WDR7: variants seen among roughly 807,000 people sequenced by gnomAD.
WDR7 encodes WD repeat domain 7, also known as WD repeat-containing protein 7.
A neutral mutation model predicts 169.4 loss-of-function variants in WDR7; 46 were observed. The observed-to-expected ratio is 0.27, with a 90% CI of 0.21 to 0.35. WDR7 has a LOEUF of 0.35. WDR7 is among the 10% of genes least tolerant of loss of function. The pLI is 1.00. For missense variants in WDR7, 1,534 were observed against 1,859.3 expected, an observed-to-expected ratio of 0.83 and a Z score of 3.22; for synonymous variants, 612 against 666.8, an observed-to-expected ratio of 0.92 and a Z score of 1.27.
At chr18:57,032,201 T>C (rs549805590), downstream of WDR7, 9 of 152,304 alleles carry the variant, frequency 5.9e-5, no homozygotes, top group South Asian at 1.9e-3. Flanking sequence ...CCGCATTAGA[T>C]TTAGGACTCA....
chr18:56,714,364 T>C (rs531487777), intron 12 of WDR7, among the ~76,000 whole-genome samples: 2 of 152,268 alleles, frequency 1.3e-5, no homozygotes, highest in Admixed American at 1.3e-4. Flanking sequence ...GTCTTTCTTA[T>C]TACAGTAAAG....
At chr18:56,871,909 T>C (rs955982595) in intron 20 of WDR7, among the ~76,000 whole-genome samples, 3 of 152,148 alleles carry the variant, frequency 2.0e-5, no homozygotes, top group Non-Finnish European at 2.9e-5. Flanking sequence ...AATTTACTTA[T>C]ATATGTCAGC....
At chr18:56,660,552 T>C (rs886715673) in intron 1 of WDR7, among the ~76,000 whole-genome samples, 18 of 151,486 alleles carry the variant, frequency 1.2e-4, no homozygotes, top group African/African-American at 4.4e-4. Flanking sequence ...ACTCAACCTA[T>C]AGATGGTTTA....
At chr18:57,010,190 A>G (rs2048117887) in intron 26 of WDR7, 1 of 985,478 alleles carries the variant, frequency 1.0e-6, no homozygotes, top group African/African-American at 1.7e-5. Context: ...ATAGTTTTCT[A>G]TTAGAAATAC....
intron 13 of WDR7, among the ~76,000 whole-genome samples, chr18:56,726,382 G>A (rs2144781565): frequency 6.6e-6 from 1 of 152,232 alleles, no homozygotes; most frequent in South Asian, 2.1e-4. Context: ...CTTGTAAGTT[G>A]GATTCCTAGG....
chr18:56,846,366 CA>C (rs1265685078), intron 20 of WDR7, among the ~76,000 whole-genome samples: 2 of 152,032 alleles, frequency 1.3e-5, no homozygotes, highest in Non-Finnish European at 2.9e-5. Context: ...GTAATTGGAT[CA>C]GGGGTGCCAG....
chr18:56,675,885 T>G (rs2025233717), intron 2 of WDR7, among the ~76,000 whole-genome samples: 1 of 152,030 alleles, frequency 6.6e-6, no homozygotes. Flanking sequence ...TGGGGTGCAA[T>G]GATAGCTTAC....
intron 18 of WDR7, among the ~76,000 whole-genome samples, chr18:56,780,661 G>T: frequency 6.6e-6 from 1 of 152,048 alleles, no homozygotes; most frequent in East Asian, 1.9e-4. Flanking sequence ...TTAGCCGGTC[G>T]TGGTGGCATA....
rs962055047 is a variant in WDR7 at position 57,027,335 on chromosome 18, C to CGGCT, written c.*130_*131insCTGG. 7.0e-5 allele frequency: 84 copies of CGGCT among 1,197,090 alleles called. No individual in the cohort carries two copies. Among genetic ancestry groups the CGGCT allele is most frequent in the African/African-American group, 9.1e-5 (6 of 65,726 alleles). The allele number at this position is 1,197,090 out of a possible 1,614,324, so 74.2% of individuals were successfully genotyped here. A position where few individuals can be genotyped will look rare whatever the true frequency, so the allele number is the denominator to read the frequency against. On this transcript the variant is annotated 3_prime_UTR_variant, in exon 28 of 28. Coordinates refer to ENST00000254442, the MANE Select transcript of WDR7 (RefSeq NM_015285.3). ...CCCCAGTGCCATCCAGTGGCACGGC[C>CGGCT]GGGTCTTGTCACTTGTGCATGCTTC... is the stretch of plus-strand genomic sequence containing the variant.
chr18:56,989,083 G>GA (rs35161458), intron 26 of WDR7, among the ~76,000 whole-genome samples: 5,446 of 136,292 alleles, frequency 0.04, 164 homozygotes, highest in East Asian at 0.12. Flanking sequence ...ATGGTTTTTT[G>GA]AAAAAAAAAA....
intron 26 of WDR7, among the ~76,000 whole-genome samples, chr18:56,987,011 GACCTTTACTC>G (rs1422164425): frequency 4.6e-5 from 7 of 152,076 alleles, no homozygotes. Context: ...TTCCAGAGCT[GACCTTTACTC>G]ACAGGGATTT....
chr18:56,770,301 G>T (rs1307303776), intron 16 of WDR7, among the ~76,000 whole-genome samples: 1 of 152,210 alleles, frequency 6.6e-6, no homozygotes, highest in Non-Finnish European at 1.5e-5. Flanking sequence ...GTGTGTTTTT[G>T]TGTGCTTAGC....
chr18:56,912,180 G>A (rs915681577), intron 21 of WDR7, among the ~76,000 whole-genome samples: 4 of 152,194 alleles, frequency 2.6e-5, no homozygotes, highest in African/African-American at 9.6e-5. Context: ...CCCTGGGAAG[G>A]CCAGAGACTC....
intron 18 of WDR7, 42 bp from the exon 19 acceptor site, chr18:56,781,491 C>T (rs1044243589): frequency 1.3e-6 from 2 of 1,498,606 alleles, no homozygotes; most frequent in African/African-American, 1.4e-5. Flanking sequence ...ACCTCCTCAA[C>T]TAATCTGCTT....
chr18:56,882,555 A>G (rs887019985), intron 21 of WDR7, among the ~76,000 whole-genome samples: 2 of 152,224 alleles, frequency 1.3e-5, no homozygotes, highest in African/African-American at 4.8e-5. Context: ...AATTTTTAAT[A>G]AATACCTGAA....
chr18:56,887,263 C>G (rs1358956991), intron 21 of WDR7, among the ~76,000 whole-genome samples: 1 of 152,128 alleles, frequency 6.6e-6, no homozygotes, highest in Non-Finnish European at 1.5e-5. Context: ...CTGGCATGAG[C>G]TCAACCTGGG....
chr18:57,016,107 C>A (rs877057), intron 26 of WDR7, among the ~76,000 whole-genome samples: 2,637 of 152,214 alleles, frequency 0.017, 151 homozygotes, highest in Admixed American at 0.11. Flanking sequence ...GGACGTATTT[C>A]GGCTCAGCAG....
At chr18:56,723,055 T>C (rs918344921) in intron 13 of WDR7, among the ~76,000 whole-genome samples, 3 of 152,178 alleles carry the variant, frequency 2.0e-5, no homozygotes, top group African/African-American at 7.2e-5. Flanking sequence ...GTGTGGTACT[T>C]TCCTACCTTC....
chr18:56,812,926 GGT>G (rs998316581), intron 19 of WDR7, among the ~76,000 whole-genome samples: 9 of 151,224 alleles, frequency 6.0e-5, no homozygotes, highest in African/African-American at 1.9e-4. Flanking sequence ...CGGCTCTCTA[GGT>G]ATCCCTTAAT....
Sources: allele counts gnomAD v4.1 joint callset (sites outside exome capture counted in the v4.1 genomes callset), GRCh38; gene constraint gnomAD v4.1.1; transcripts MANE v1.5; gene names NCBI Gene and HGNC (gene_info 2026-07-23, HGNC 2026-07-21).